The following TFCP2L1 variants were observed in gnomAD, a reference collection of about 807,000 sequenced individuals.
The protein encoded by TFCP2L1 is transcription factor CP2-like protein 1.
Under a neutral mutation model 72.2 loss-of-function variants are expected in TFCP2L1, and 12 were observed. The observed-to-expected ratio is 0.17, with a 90% CI of 0.11 to 0.27. The LOEUF (loss-of-function observed/expected upper bound fraction) is 0.27, where lower values mean the gene tolerates loss of function less well. Ranked by LOEUF, TFCP2L1 falls within the 10% of genes least tolerant of loss-of-function variation. The pLI is 1.00. For missense variants in TFCP2L1, 488 were observed against 624.6 expected, an observed-to-expected ratio of 0.78 and a Z score of 2.33; for synonymous variants, 260 against 251.0, an observed-to-expected ratio of 1.04 and a Z score of -0.34.
At chr2:121,261,758 C>G (rs1472631995) in intron 2 of TFCP2L1, among the ~76,000 whole-genome samples, 2 of 152,106 alleles carry the variant, frequency 1.3e-5, no homozygotes, top group Admixed American at 6.6e-5. Context: ...GGTAAACAGT[C>G]TCCAAGTCAT....
At chr2:121,246,719 G>T in intron 6 of TFCP2L1, 99 bp downstream of exon 6, 2 of 1,489,248 alleles carry the variant, frequency 1.3e-6, no homozygotes, top group Non-Finnish European at 1.8e-6. Flanking sequence ...TGCGTTCCTC[G>T]CTGGGCCTGT....
At chr2:121,244,791 G>A (rs1194506073) in intron 6 of TFCP2L1, among the ~76,000 whole-genome samples, 1 of 152,196 alleles carries the variant, frequency 6.6e-6, no homozygotes, top group Admixed American at 6.5e-5. Context: ...GGGGGCCAAG[G>A]CTGGCAGAGC....
intron 12 of TFCP2L1, among the ~76,000 whole-genome samples, chr2:121,233,544 C>A (rs896437245): frequency 6.6e-6 from 1 of 152,304 alleles, no homozygotes; most frequent in South Asian, 2.1e-4. Flanking sequence ...GCAATCCTCC[C>A]ACCTCCCCAG....
intron 2 of TFCP2L1, among the ~76,000 whole-genome samples, chr2:121,271,980 C>A (rs758166163): frequency 2.6e-5 from 4 of 152,116 alleles, no homozygotes; most frequent in Non-Finnish European, 4.4e-5. Context: ...TCCTTCCCCC[C>A]ACAAAGCTTC....
At chr2:121,268,430 T>C (rs549684833) in intron 2 of TFCP2L1, among the ~76,000 whole-genome samples, 11 of 152,232 alleles carry the variant, frequency 7.2e-5, no homozygotes, top group South Asian at 6.2e-4. Context: ...CTCGGCTCAC[T>C]ACAGCCTCAA....
intron 13 of TFCP2L1, among the ~76,000 whole-genome samples, chr2:121,226,998 G>A (rs1266866140): frequency 6.6e-6 from 1 of 152,212 alleles, no homozygotes; most frequent in Non-Finnish European, 1.5e-5. Flanking sequence ...GTCAACAGCA[G>A]AAGCATGAAC....
intron 13 of TFCP2L1, among the ~76,000 whole-genome samples, chr2:121,231,469 G>A (rs13430466): frequency 0.019 from 2,907 of 152,272 alleles, 114 homozygotes; most frequent in African/African-American, 0.066. Context: ...CACCTGCCCC[G>A]GAGTCCACTT....
rs192079336 is a variant in TFCP2L1, at chr2:121,225,694, C to A, written c.1342-81G>T. ...GCCTCGGTGGCAGAGCCTAGCCATG[C>A]GCAGCTGCAGAAACACCACTGCCAA... is the stretch of plus-strand genomic sequence containing the variant. On this transcript the variant is annotated intron_variant, in intron 13 of 14. Coordinates refer to ENST00000263707, the MANE Select transcript of TFCP2L1 (RefSeq NM_014553.3). 20 of 1,496,148 alleles carry A rather than the reference C, an allele frequency of 1.3e-5. No homozygotes were observed. In the East Asian group the frequency reaches 4.1e-4, roughly 31 times the overall value. 92.7% of individuals were successfully genotyped at this position (1,496,148 alleles called of 1,614,324 possible). A position where few individuals can be genotyped will look rare whatever the true frequency, so the allele number is the denominator to read the frequency against.
At chr2:121,263,924 C>T (rs1686879018) in intron 2 of TFCP2L1, among the ~76,000 whole-genome samples, 1 of 152,156 alleles carries the variant, frequency 6.6e-6, no homozygotes, top group Non-Finnish European at 1.5e-5. Flanking sequence ...AATGCATTAA[C>T]TTGCCAAAAA....
intron 13 of TFCP2L1, among the ~76,000 whole-genome samples, chr2:121,227,658 G>A (rs1042693637): frequency 6.6e-6 from 1 of 151,922 alleles, no homozygotes; most frequent in Non-Finnish European, 1.5e-5. Flanking sequence ...TTCAGCCTGG[G>A]TGACAGAGTG....
At chr2:121,270,430 C>T (rs559935979) in intron 2 of TFCP2L1, among the ~76,000 whole-genome samples, 3 of 152,208 alleles carry the variant, frequency 2.0e-5, no homozygotes, top group Admixed American at 2.0e-4. Flanking sequence ...CCGGCAGTAC[C>T]TACCAAAATG....
chr2:121,226,680 G>A (rs1686037544), intron 13 of TFCP2L1, among the ~76,000 whole-genome samples: 1 of 152,136 alleles, frequency 6.6e-6, no homozygotes, highest in Admixed American at 6.5e-5. Flanking sequence ...AGTGACCTTG[G>A]ACAAGCCAAC....
At chr2:121,283,807 C>T (rs1687310719) in intron 1 of TFCP2L1, among the ~76,000 whole-genome samples, 1 of 152,222 alleles carries the variant, frequency 6.6e-6, no homozygotes, top group African/African-American at 2.4e-5. Context: ...AAAATGTATT[C>T]CATTGTAGCA....
At position 121,285,078 on chromosome 2, in the gene TFCP2L1, T is replaced by A. The variant is rs936920411; in HGVS notation, c.32A>T (p.Tyr11Phe). The change falls in exon 1 of 15, where the codon TAC (tyrosine) becomes TTC (phenylalanine). Residue 11 changes from tyrosine (Y) to phenylalanine (F), a missense_variant. Physicochemically the swap from Tyr to Phe is conservative, Grantham distance 22. This residue lies in a region of TFCP2L1 where 73 missense variants were observed against 59.7 expected (regional missense o/e 1.22). Transcript: ENST00000263707. ...GTAGCTGCCGGAGTTGTGCTGGTTG[T>A]AGTGCTCGGGCTGCGTGTGCCAGAA... Reference protein sequence around the residue: MLFWHTQPEHYNQHNSGSYLR... With the variant: MLFWHTQPEHFNQHNSGSYLR... 6 of 1,525,582 alleles carry A rather than the reference T, an allele frequency of 3.9e-6. No individual in the cohort carries two copies. Among genetic ancestry groups the A allele is most frequent in the Admixed American group, 2.1e-5 (1 of 47,314 alleles). 94.5% of individuals were successfully genotyped at this position (1,525,582 alleles called of 1,614,324 possible).
intron 2 of TFCP2L1, among the ~76,000 whole-genome samples, chr2:121,250,816 A>C (rs1298502138): frequency 6.6e-6 from 1 of 151,868 alleles, no homozygotes; most frequent in Non-Finnish European, 1.5e-5. Flanking sequence ...CATGTTAGCC[A>C]GGCTGGTCTC....
rs1685844315 is a variant in TFCP2L1, at chr2:121,216,818, GAA to G, written c.*7521_*7522del. On this transcript the variant is annotated 3_prime_UTR_variant, in exon 15 of 15. Transcript: ENST00000263707. ...CCGACAGATACTCCCACCACCTTTA[GAA>G]AAGAGTCACCCAATCTGGAGAAAGG... 3 of 152,232 alleles carry G rather than the reference GAA, an allele frequency of 2.0e-5. No individual in the cohort carries two copies. Among genetic ancestry groups the G allele is most frequent in the Admixed American group, 2.0e-4 (3 of 15,282 alleles). The allele number at this position is 152,232 out of a possible 1,614,324, so 9.4% of individuals were successfully genotyped here. A position where few individuals can be genotyped will look rare whatever the true frequency, so the allele number is the denominator to read the frequency against.
At chr2:121,265,727 GC>G (rs1339415451) in intron 2 of TFCP2L1, among the ~76,000 whole-genome samples, 1 of 151,980 alleles carries the variant, frequency 6.6e-6, no homozygotes, top group Non-Finnish European at 1.5e-5. Flanking sequence ...CAGAAGATCC[GC>G]CTGCCTCGGC....
rs1428030121 is a variant in TFCP2L1 at position 121,237,907 on chromosome 2, C to T, written c.861-57G>A. ...GAGGGGGCTCCCAGGGCAATGGCCA[C>T]GGTCCCGGCACCCAGCCTGGCACTT... On this transcript the variant is annotated intron_variant, in intron 8 of 14. Coordinates refer to ENST00000263707, the MANE Select transcript of TFCP2L1 (RefSeq NM_014553.3). 74 of 1,586,892 alleles carry T rather than the reference C, an allele frequency of 4.7e-5. No homozygotes were observed. In the East Asian group the frequency reaches 7.2e-4, roughly 15 times the overall value.
intron 2 of TFCP2L1, among the ~76,000 whole-genome samples, chr2:121,267,556 C>T (rs1404528386): frequency 1.3e-5 from 2 of 151,620 alleles, no homozygotes; most frequent in Non-Finnish European, 2.9e-5. Flanking sequence ...TGCAGTGGCG[C>T]GATCTCGACT....
Sources: allele counts gnomAD v4.1 joint callset (sites outside exome capture counted in the v4.1 genomes callset), GRCh38; gene constraint gnomAD v4.1.1; regional missense constraint gnomAD v4.1.1; transcripts MANE v1.5; gene names NCBI Gene and HGNC (gene_info 2026-07-23, HGNC 2026-07-21).